FHL1: variants seen among roughly 807,000 people sequenced by gnomAD.
FHL1 encodes the protein four and a half LIM domains 1.
Under a neutral mutation model 20.3 loss-of-function variants are expected in FHL1, and 1 was observed. The observed-to-expected ratio is 0.05, with a 90% confidence interval of 0.02 to 0.23. FHL1 has a LOEUF of 0.23. Ranked by LOEUF, FHL1 falls within the 10% of genes least tolerant of loss-of-function variation. The pLI is 1.00. For synonymous variants in FHL1, 82 were observed against 88.9 expected (o/e 0.92, Z 0.44); for missense variants, 177 against 234.0 (o/e 0.76, Z 1.59).
intron 5 of FHL1, chrX:136,209,322 T>G (rs1210373945): frequency 8.3e-7 from 1 of 1,208,806 alleles, no homozygotes; most frequent in African/African-American, 1.8e-5. Context: ...AACGCTTGCC[T>G]CTCACCCTGT....
chrX:136,208,675 C>G, intron 5 of FHL1, 34 bp downstream of exon 5: 1 of 1,165,037 alleles, frequency 8.6e-7, no homozygotes, highest in Non-Finnish European at 1.2e-6. Flanking sequence ...GTCTGCCAGG[C>G]TAGGTTTTGC....
chrX:136,175,979 C>T (rs1239587979), intron 2 of FHL1, among the ~76,000 whole-genome samples: 1 of 111,981 alleles, frequency 8.9e-6, no homozygotes, highest in Admixed American at 9.5e-5. Flanking sequence ...AACCAAGAAA[C>T]ATGAGGACTC....
intron 1 of FHL1, among the ~76,000 whole-genome samples, chrX:136,161,283 C>T (rs1397296968): frequency 9.0e-6 from 1 of 111,227 alleles, no homozygotes; most frequent in African/African-American, 3.3e-5. Context: ...CTCATTCTGT[C>T]TTCTCTTTAT....
At chrX:136,205,149 GA>G (rs201292853) in intron 1 of FHL1, among the ~76,000 whole-genome samples, 2,280 of 111,929 alleles carry the variant, frequency 0.02, 48 homozygotes, top group African/African-American at 0.07. Context: ...TATGTTTAAA[GA>G]AGTTGAAAGC....
At chrX:136,175,943 A>G (rs2072992071) in intron 2 of FHL1, among the ~76,000 whole-genome samples, 1 of 112,241 alleles carries the variant, frequency 8.9e-6, no homozygotes, top group Admixed American at 9.5e-5. Flanking sequence ...CGGATATTCT[A>G]ATCTATCACA....
At chrX:136,164,189 C>CTT (rs1300417471) in intron 1 of FHL1, among the ~76,000 whole-genome samples, 3 of 103,740 alleles carry the variant, frequency 2.9e-5, no homozygotes, top group African/African-American at 1.0e-4. Context: ...GTTCTTTGTG[C>CTT]TTGATAACTG....
At chrX:136,209,401 C>G in intron 5 of FHL1, 2 of 1,211,039 alleles carry the variant, frequency 1.7e-6, no homozygotes, top group Non-Finnish European at 2.2e-6. Flanking sequence ...GGTGGTGGTT[C>G]TTTATAGAAA....
chrX:136,152,164 AAAATTTCAGG>A (rs2072282038), intron 1 of FHL1, among the ~76,000 whole-genome samples: 1 of 112,269 alleles, frequency 8.9e-6, no homozygotes, highest in Admixed American at 9.5e-5. Context: ...AACACCTACT[AAAATTTCAGG>A]AAGCACGCAA....
At chrX:136,194,616 AT>A (rs1477882510), upstream of FHL1, among the ~76,000 whole-genome samples, 8 of 111,818 alleles carry the variant, frequency 7.2e-5, no homozygotes, top group African/African-American at 2.3e-4. Context: ...CCAATAGTAT[AT>A]AAAGGTGCGT....
chrX:136,200,762 A>T (rs756525699), intron 1 of FHL1, among the ~76,000 whole-genome samples: 2 of 112,006 alleles, frequency 1.8e-5, no homozygotes, highest in Admixed American at 9.5e-5. Flanking sequence ...AGCAGCGGGG[A>T]ATCTGTGGGT....
intron 1 of FHL1, chrX:136,206,063 C>T (rs931305627): frequency 2.9e-6 from 1 of 340,884 alleles, no homozygotes; most frequent in African/African-American, 2.6e-5. Context: ...ATCCTGTCCC[C>T]TATCTGGTGA....
intron 4 of FHL1, 47 bp from the exon 5 acceptor site, chrX:136,208,408 C>G (rs1338748916): frequency 1.7e-6 from 2 of 1,196,227 alleles, no homozygotes; most frequent in Admixed American, 2.2e-5. Context: ...AGGCATTCAA[C>G]AAAATGGTTG....
At chrX:136,183,210 G>A (rs2148327213) in intron 2 of FHL1, among the ~76,000 whole-genome samples, 1 of 111,365 alleles carries the variant, frequency 9.0e-6, no homozygotes, top group South Asian at 3.8e-4. Flanking sequence ...ATTTAAACGT[G>A]TCATGTCAGT....
chrX:136,171,671 G>A (rs1414251398), intron 2 of FHL1, among the ~76,000 whole-genome samples: 1 of 111,526 alleles, frequency 9.0e-6, no homozygotes, highest in Non-Finnish European at 1.9e-5. Context: ...TGTGTAAAAG[G>A]GCTGTGTTCT....
chrX:136,192,708 G>C (rs899407535), upstream of FHL1, among the ~76,000 whole-genome samples: 1 of 111,820 alleles, frequency 8.9e-6, no homozygotes, highest in African/African-American at 3.2e-5. Context: ...TGGGGTTCCA[G>C]GGGTGCTCCT....
At chrX:136,187,026 C>T (rs760277438) in intron 2 of FHL1, among the ~76,000 whole-genome samples, 8 of 109,919 alleles carry the variant, frequency 7.3e-5, no homozygotes, top group Non-Finnish European at 1.1e-4. Context: ...AAGCTCTTTA[C>T]GTACTGACAA....
At chrX:136,175,517 A>G in intron 2 of FHL1, among the ~76,000 whole-genome samples, 1 of 112,140 alleles carries the variant, frequency 8.9e-6, no homozygotes, top group East Asian at 2.8e-4. Flanking sequence ...AAAGCTGTGT[A>G]AGCATTCATC....
At chrX:136,191,089 A>T (rs1322658819) in intron 2 of FHL1, among the ~76,000 whole-genome samples, 2 of 111,682 alleles carry the variant, frequency 1.8e-5, no homozygotes, top group East Asian at 5.6e-4. Flanking sequence ...TGGTAATCTA[A>T]TGGCAGACCA....
intron 2 of FHL1, among the ~76,000 whole-genome samples, chrX:136,181,520 G>A (rs774165110): frequency 8.0e-5 from 9 of 111,949 alleles, no homozygotes; most frequent in Non-Finnish European, 1.7e-4. Flanking sequence ...GAGATGTGAT[G>A]TTCAGGGCTT....
Sources: gnomAD v4.1 joint callset for allele counts (sites outside exome capture counted in the v4.1 genomes callset) on GRCh38, gnomAD v4.1.1 for gene constraint, MANE v1.5 for transcripts, NCBI Gene and HGNC (gene_info 2026-07-23, HGNC 2026-07-21) for gene names.